MYO5B: variants seen among roughly 807,000 people sequenced by gnomAD.
MYO5B encodes the protein myosin VB.
In MYO5B, 143 loss-of-function variants were observed where a neutral mutation model predicts 229.3. The ratio of observed to expected loss-of-function variants is 0.62; its 90% CI spans 0.54 to 0.72. The LOEUF (loss-of-function observed/expected upper bound fraction) is 0.72. Among genes scored for constraint, MYO5B ranks in the 30% least tolerant of loss-of-function variants. The probability of loss-of-function intolerance (pLI) is 0.00; values close to 1 mark genes in which losing one functional copy is unlikely to be tolerated. For missense variants in MYO5B, 2,321 were observed against 2,331.0 expected (o/e 1.00, Z 0.09); for synonymous variants, 918 against 885.2 (o/e 1.04, Z -0.66).
At chr18:50,090,224 C>T (rs942597445) in intron 1 of MYO5B, among the ~76,000 whole-genome samples, 3 of 151,810 alleles carry the variant, frequency 2.0e-5, no homozygotes, top group Admixed American at 2.0e-4. Context: ...GGAATCAAAT[C>T]ACCATCTACA....
At chr18:50,065,548 G>A (rs1254890999) in intron 1 of MYO5B, among the ~76,000 whole-genome samples, 1 of 152,118 alleles carries the variant, frequency 6.6e-6, no homozygotes, top group African/African-American at 2.4e-5. Context: ...CTCACTCACT[G>A]TAGGCAAAGC....
At chr18:49,972,511 T>C (rs560472555) in intron 10 of MYO5B, among the ~76,000 whole-genome samples, 8 of 152,348 alleles carry the variant, frequency 5.3e-5, no homozygotes, top group African/African-American at 1.9e-4. Flanking sequence ...AATTTTTACA[T>C]GCTATTGACA....
rs2025570933 is a variant in MYO5B at position 49,962,487 on chromosome 18, G to C, written c.1405-81C>G. 3.8e-6 allele frequency: 6 copies of C among 1,581,036 alleles called. No homozygotes were observed. The South Asian group carries it at 6.7e-5, about 18-fold the overall frequency. On this transcript the variant is annotated intron_variant, in intron 11 of 39. Transcript: ENST00000285039. ...CTCCCCCAGGGGCTCAGTGAGTTCT[G>C]GGTTCTGGAGGACAGCAGAGAACTG...
Position 49,878,903 on chromosome 18 carries a change from C to A in MYO5B, c.3276+42G>T, listed in dbSNP as rs149285647. 7,079 of 1,612,686 alleles carry A rather than the reference C, an allele frequency of 4.4e-3. 29 individuals carry two copies. Among genetic ancestry groups the A allele is most frequent in the South Asian group, 8.0e-3 (732 of 91,012 alleles). On this transcript the variant is annotated intron_variant, in intron 24 of 39. Coordinates refer to ENST00000285039, the MANE Select transcript of MYO5B (RefSeq NM_001080467.3). ...CACGTGGTCAGAAGCTGGACAGGAG[C>A]CAGGGACCTGTGCCATGGCACAGCA...
intron 5 of MYO5B, among the ~76,000 whole-genome samples, chr18:49,997,585 G>C (rs1380535373): frequency 2.6e-5 from 4 of 151,778 alleles, no homozygotes; most frequent in Non-Finnish European, 5.9e-5. Context: ...ACAGTCTCTT[G>C]ATTATCAATG....
chr18:50,173,631 G>A (rs1033393620), intron 1 of MYO5B, among the ~76,000 whole-genome samples: 5 of 152,168 alleles, frequency 3.3e-5, no homozygotes, highest in East Asian at 1.9e-4. Flanking sequence ...TTCAAGTAAC[G>A]TTTGGAAGCT....
At chr18:50,150,692 G>C (rs144315974) in intron 1 of MYO5B, among the ~76,000 whole-genome samples, 2 of 152,332 alleles carry the variant, frequency 1.3e-5, no homozygotes, top group African/African-American at 2.4e-5. Context: ...GTGGGATTGG[G>C]GGAGTGGGGA....
At chr18:50,159,516 A>T (rs541889526) in intron 1 of MYO5B, among the ~76,000 whole-genome samples, 154 of 152,234 alleles carry the variant, frequency 1.0e-3, no homozygotes, top group Non-Finnish European at 1.4e-3. Context: ...AGAGCAGTCA[A>T]CTAAAGCTCC....
chr18:49,936,038 G>A (rs11661981), intron 16 of MYO5B, among the ~76,000 whole-genome samples: 2,013 of 152,316 alleles, frequency 0.013, 28 homozygotes, highest in Non-Finnish European at 0.02. Flanking sequence ...TACGGGGAAC[G>A]GCATTTTTTC....
chr18:50,046,764 G>C (rs1014947807), intron 2 of MYO5B, among the ~76,000 whole-genome samples: 25 of 152,114 alleles, frequency 1.6e-4, no homozygotes, highest in African/African-American at 5.6e-4. Flanking sequence ...GAACAGAACA[G>C]AGCCCTCAGA....
chr18:50,188,644 G>A (rs113003272), intron 1 of MYO5B, among the ~76,000 whole-genome samples: 322 of 152,026 alleles, frequency 2.1e-3, no homozygotes, highest in Non-Finnish European at 4.0e-3. Flanking sequence ...AAAAGTAGCC[G>A]GGAGTGGTGG....
chr18:49,881,436 GA>G (rs928050467), intron 22 of MYO5B, among the ~76,000 whole-genome samples: 15 of 150,912 alleles, frequency 9.9e-5, no homozygotes, highest in Non-Finnish European at 1.3e-4. Context: ...ACTATTACCA[GA>G]AAAAAAAGGT....
At position 49,929,638 on chromosome 18, in the gene MYO5B, G is replaced by A. The variant is rs372101289; in HGVS notation, c.2004-40C>T. The A allele has an allele frequency of 5.7e-5, 87 of 1,514,730 alleles. No individual in the cohort carries two copies. The African/African-American group carries it at 9.9e-4, about 17-fold the overall frequency. The allele number at this position is 1,514,730 out of a possible 1,614,324, so 93.8% of individuals were successfully genotyped here. ...AAAAAAAAAAAAAAGCAAGACAAGA[G>A]ATGAGTGGCCACATTTGCAAAAAAG... On this transcript the variant is annotated intron_variant, in intron 16 of 39. Coordinates refer to ENST00000285039, the MANE Select transcript of MYO5B (RefSeq NM_001080467.3).
At chr18:49,964,315 C>T (rs1033886163) in intron 10 of MYO5B, among the ~76,000 whole-genome samples, 1 of 152,192 alleles carries the variant, frequency 6.6e-6, no homozygotes, top group African/African-American at 2.4e-5. Flanking sequence ...CCTTTACACA[C>T]AGTAAAATAC....
At chr18:49,984,045 T>C (rs1324798827) in intron 8 of MYO5B, among the ~76,000 whole-genome samples, 1 of 152,172 alleles carries the variant, frequency 6.6e-6, no homozygotes, top group Non-Finnish European at 1.5e-5. Flanking sequence ...CGAGCTTTCC[T>C]TTTTCTGGAT....
At chr18:50,179,368 A>C (rs1314574516) in intron 1 of MYO5B, among the ~76,000 whole-genome samples, 1 of 152,190 alleles carries the variant, frequency 6.6e-6, no homozygotes, top group African/African-American at 2.4e-5. Context: ...GTTTTGATGG[A>C]AACATGGTTC....
chr18:50,192,340 T>C (rs1182565118), intron 1 of MYO5B, among the ~76,000 whole-genome samples: 2 of 152,192 alleles, frequency 1.3e-5, no homozygotes, highest in Non-Finnish European at 2.9e-5. Context: ...CGGGATGAAA[T>C]GTGGCTCTCC....
chr18:50,009,367 G>C (rs968068293), intron 4 of MYO5B, among the ~76,000 whole-genome samples: 14 of 152,156 alleles, frequency 9.2e-5, no homozygotes, highest in African/African-American at 3.4e-4. Context: ...AATAGAGCAA[G>C]ACTGTCTCAA....
intron 39 of MYO5B, among the ~76,000 whole-genome samples, chr18:49,833,602 A>C (rs942741122): frequency 6.6e-6 from 1 of 152,192 alleles, no homozygotes; most frequent in African/African-American, 2.4e-5. Flanking sequence ...GATGTGGCAT[A>C]TATTTTTTAA....
Sources: gnomAD v4.1 joint callset for allele counts (sites outside exome capture counted in the v4.1 genomes callset) on GRCh38, gnomAD v4.1.1 for gene constraint, MANE v1.5 for transcripts, NCBI Gene and HGNC (gene_info 2026-07-23, HGNC 2026-07-21) for gene names.